PRDM5: variants seen among roughly 807,000 people sequenced by gnomAD.
PRDM5 encodes the protein PR domain zinc finger protein 5.
A neutral mutation model predicts 81.2 loss-of-function variants in PRDM5; 56 were observed. The observed-to-expected ratio is 0.69, with a 90% confidence interval of 0.56 to 0.86. The LOEUF is 0.86. Ranked by LOEUF, PRDM5 falls within the 40% of genes least tolerant of loss-of-function variation. The pLI, the probability that PRDM5 is intolerant of heterozygous loss-of-function variation, is 0.00. For missense variants in PRDM5, 697 were observed against 770.1 expected, an observed-to-expected ratio of 0.91 and a Z score of 1.12; for synonymous variants, 267 against 256.4, an observed-to-expected ratio of 1.04 and a Z score of -0.39.
chr4:120,818,277 A>T, intron 5 of PRDM5, 76 bp downstream of exon 5: 1 of 1,502,944 alleles, frequency 6.7e-7, no homozygotes, highest in Non-Finnish European at 9.2e-7. Flanking sequence ...CACACAGGTT[A>T]AAAACTATGA....
At chr4:120,737,402 G>A (rs753146469) in intron 14 of PRDM5, among the ~76,000 whole-genome samples, 1 of 152,340 alleles carries the variant, frequency 6.6e-6, no homozygotes, top group Non-Finnish European at 1.5e-5. Context: ...CAACAAGGAA[G>A]GGCAACTGAG....
Position 120,818,418 on chromosome 4 carries a change from C to T in PRDM5, c.585G>A (p.Glu195=), listed in dbSNP as rs1214757795. The T allele has an allele frequency of 2.5e-6, 4 of 1,614,040 alleles. No homozygotes were observed. The highest frequency in any genetic ancestry group is 1.7e-5 in the Admixed American group (1 of 59,990). Residue 195 remains glutamate (E), a synonymous_variant, in exon 5 of 16, where the codon GAG becomes GAA. Coordinates refer to ENST00000264808, the MANE Select transcript of PRDM5 (RefSeq NM_018699.4). ...HLQTLHQKPT[E]EKEFKCKNCG... is the part of the protein sequence containing the mutation. ...AGTTCTTGCACTTAAATTCTTTCTC[C>T]TCTGTGGGTTTCTGGTGCAATGTCT...
At chr4:120,827,994 C>T (rs897653503) in intron 3 of PRDM5, among the ~76,000 whole-genome samples, 4 of 152,048 alleles carry the variant, frequency 2.6e-5, no homozygotes, top group African/African-American at 9.7e-5. Context: ...AACAGTATCC[C>T]TCTTTTATAT....
At chr4:120,842,772 A>AT (rs1280928221) in intron 3 of PRDM5, among the ~76,000 whole-genome samples, 1 of 152,150 alleles carries the variant, frequency 6.6e-6, no homozygotes, top group Non-Finnish European at 1.5e-5. Context: ...CAGAATTTCT[A>AT]TTTTCAATTC....
intron 1 of PRDM5, 82 bp downstream of exon 1, chr4:120,922,434 C>A: frequency 8.1e-7 from 1 of 1,241,516 alleles, no homozygotes; most frequent in African/African-American, 1.6e-5. Context: ...CCGCCGCGCC[C>A]CGGGCCCTGC....
intron 15 of PRDM5, among the ~76,000 whole-genome samples, chr4:120,700,261 C>T (rs1201889318): frequency 6.6e-6 from 1 of 152,112 alleles, no homozygotes; most frequent in Non-Finnish European, 1.5e-5. Flanking sequence ...CATATGCAGA[C>T]AAATGACACT....
At chr4:120,849,629 T>A (rs964385928) in intron 3 of PRDM5, among the ~76,000 whole-genome samples, 1 of 152,158 alleles carries the variant, frequency 6.6e-6, no homozygotes, top group African/African-American at 2.4e-5. Flanking sequence ...GAATATGAGA[T>A]GTAGCACTCC....
chr4:120,815,725 C>T (rs1754401768), intron 7 of PRDM5, among the ~76,000 whole-genome samples: 1 of 152,188 alleles, frequency 6.6e-6, no homozygotes, highest in Non-Finnish European at 1.5e-5. Flanking sequence ...GAAGAACACA[C>T]AGGGTTTCAT....
rs373190733 is a variant in PRDM5, at chr4:120,709,443, T to C, written c.1728+866A>G. On this transcript the variant is annotated intron_variant, in intron 15 of 15. Transcript: ENST00000264808. ...TGCCCACTGGGAGTACATTGTTGTC[T>C]TAACCTTACCACTGAAGTTTCATGG... Among the ~76,000 whole-genome samples the C allele has an allele frequency of 4.6e-5, 7 of 152,318 alleles. No individual in the cohort carries two copies. The South Asian group carries it at 6.2e-4, about 14-fold the overall frequency.
intron 14 of PRDM5, among the ~76,000 whole-genome samples, chr4:120,728,783 A>G (rs756463732): frequency 6.6e-6 from 1 of 152,206 alleles, no homozygotes; most frequent in Non-Finnish European, 1.5e-5. Context: ...AGAAAGGGTA[A>G]CATCCACACT....
At chr4:120,875,189 T>C (rs1458419987) in intron 2 of PRDM5, among the ~76,000 whole-genome samples, 2 of 152,244 alleles carry the variant, frequency 1.3e-5, no homozygotes, top group African/African-American at 4.8e-5. Flanking sequence ...TTTCCATCTA[T>C]TTGTTAGCCA....
At chr4:120,700,575 T>C (rs2148997969) in intron 15 of PRDM5, among the ~76,000 whole-genome samples, 1 of 152,274 alleles carries the variant, frequency 6.6e-6, no homozygotes, top group South Asian at 2.1e-4. Context: ...GTCCAGAATC[T>C]GTAAGGAAAT....
At chr4:120,725,095 T>C (rs1297597631) in intron 14 of PRDM5, among the ~76,000 whole-genome samples, 1 of 152,146 alleles carries the variant, frequency 6.6e-6, no homozygotes, top group Non-Finnish European at 1.5e-5. Context: ...TCATTCAGCC[T>C]AAAAGATTAA....
In PRDM5 at chr4:120,860,477, G is replaced by A. The variant is rs539885624; in HGVS notation, c.178-6937C>T. Among the ~76,000 whole-genome samples the A allele has an allele frequency of 2.2e-3, 332 of 152,108 alleles. 2 individuals carry two copies. The highest frequency in any genetic ancestry group is 3.9e-3 in the Non-Finnish European group (266 of 67,988). Reference sequence around the variant, plus strand: ...TTTTCCACAGCAAATTTATGAAAGCGCCTAAACAGCACAGAAACTGTCCTT... The same window carrying A: ...TTTTCCACAGCAAATTTATGAAAGCACCTAAACAGCACAGAAACTGTCCTT... On this transcript the variant is annotated intron_variant, in intron 2 of 15. Coordinates refer to ENST00000264808, the MANE Select transcript of PRDM5 (RefSeq NM_018699.4).
At chr4:120,904,580 T>C (rs1216060837) in intron 2 of PRDM5, among the ~76,000 whole-genome samples, 6 of 152,136 alleles carry the variant, frequency 3.9e-5, no homozygotes, top group Admixed American at 3.3e-4. Flanking sequence ...CAATAGCTCC[T>C]TGGGTAGCAG....
At chr4:120,785,483 A>G (rs146903571) in intron 10 of PRDM5, among the ~76,000 whole-genome samples, 59 of 152,266 alleles carry the variant, frequency 3.9e-4, no homozygotes, top group African/African-American at 1.4e-3. Flanking sequence ...TGCAACACAG[A>G]TAAAAGAAAT....
rs1025953435 is a variant in PRDM5 at position 120,831,067 on chromosome 4, GA to G, written c.301-9723del. Among the ~76,000 whole-genome samples the G allele has an allele frequency of 9.9e-5, 15 of 151,478 alleles. No individual in the cohort carries two copies. The East Asian group carries it at 2.5e-3, about 25-fold the overall frequency. The stretch of plus-strand genomic sequence containing the variant: ...GTGAGCTTGGGAAGCAGTGGCTTTT[GA>G]AAAAAAATATATATACTTCACTTTT... On this transcript the variant is annotated intron_variant, in intron 3 of 15. Transcript: ENST00000264808.
intron 2 of PRDM5, among the ~76,000 whole-genome samples, chr4:120,874,167 A>T (rs1040957655): frequency 3.3e-5 from 5 of 152,186 alleles, no homozygotes. Flanking sequence ...TGTTTATTAT[A>T]GTCCCTCTAT....
chr4:120,893,178 C>T (rs1381488808), intron 2 of PRDM5, among the ~76,000 whole-genome samples: 1 of 152,204 alleles, frequency 6.6e-6, no homozygotes. Flanking sequence ...GGGATTCTCC[C>T]GTTTCCAGTC....
Sources: gnomAD v4.1 joint callset for allele counts (sites outside exome capture counted in the v4.1 genomes callset) on GRCh38, gnomAD v4.1.1 for gene constraint, MANE v1.5 for transcripts, NCBI Gene and HGNC (gene_info 2026-07-23, HGNC 2026-07-21) for gene names.